The following CACNA2D3 variants were observed in gnomAD, a reference collection of about 807,000 sequenced individuals.
The protein encoded by CACNA2D3 is voltage-dependent calcium channel subunit alpha-2/delta-3.
In CACNA2D3, 60 loss-of-function variants were observed where a neutral mutation model predicts 160.6. The observed-to-expected ratio is 0.37, with a 90% CI of 0.30 to 0.46. The LOEUF (loss-of-function observed/expected upper bound fraction) is 0.46. CACNA2D3 is among the 20% of genes least tolerant of loss of function. The probability of loss-of-function intolerance (pLI) is 1.00; values close to 1 mark genes in which losing one functional copy is unlikely to be tolerated. For synonymous variants in CACNA2D3, 558 were observed against 492.9 expected (o/e 1.13, Z -1.75); for missense variants, 1,205 against 1,365.0 (o/e 0.88, Z 1.85).
At chr3:54,362,734 T>C (rs1186870255) in intron 3 of CACNA2D3, among the ~76,000 whole-genome samples, 2 of 152,144 alleles carry the variant, frequency 1.3e-5, no homozygotes, top group Non-Finnish European at 2.9e-5. Flanking sequence ...ATCAGAAGCA[T>C]TGAGTGGGCA....
At chr3:54,481,486 TG>T (rs1700931179) in intron 4 of CACNA2D3, among the ~76,000 whole-genome samples, 1 of 152,220 alleles carries the variant, frequency 6.6e-6, no homozygotes, top group African/African-American at 2.4e-5. Flanking sequence ...GTGGCTTCTC[TG>T]GCAAAGATCA....
At position 54,756,399 on chromosome 3, in the gene CACNA2D3, A is replaced by G. The variant is rs532790549; in HGVS notation, c.1246+3722A>G. ...TGCGTCAGTTAAGGGGTTTTGGACCATGTAACATCGGTGAGCAAGTATTCT... is the reference window on the plus strand; with the variant it reads ...TGCGTCAGTTAAGGGGTTTTGGACCGTGTAACATCGGTGAGCAAGTATTCT... On this transcript the variant is annotated intron_variant, in intron 12 of 37. Coordinates refer to ENST00000474759, the MANE Select transcript of CACNA2D3 (RefSeq NM_018398.3). 7.2e-5 allele frequency among the ~76,000 whole-genome samples: 11 copies of G among 152,354 alleles called. No individual in the cohort carries two copies. In the South Asian group the frequency reaches 2.1e-3, roughly 29 times the overall value.
chr3:54,835,435 G>C (rs542906289), intron 14 of CACNA2D3, among the ~76,000 whole-genome samples: 45 of 152,214 alleles, frequency 3.0e-4, no homozygotes, highest in African/African-American at 1.0e-3. Flanking sequence ...CTGCTGTTCT[G>C]GGTACTACAT....
chr3:55,063,439 A>G (rs1029750066), intron 35 of CACNA2D3, among the ~76,000 whole-genome samples: 5 of 152,190 alleles, frequency 3.3e-5, no homozygotes, highest in Non-Finnish European at 7.3e-5. Flanking sequence ...TTCCAATATA[A>G]TTTATGTTAG....
intron 2 of CACNA2D3, among the ~76,000 whole-genome samples, chr3:54,316,543 A>G (rs73081624): frequency 0.17 from 25,839 of 152,188 alleles, 2,567 homozygotes; most frequent in Non-Finnish European, 0.23. Flanking sequence ...TGCAAGAAAC[A>G]CCTGTGGGTA....
At chr3:54,618,857 C>G (rs1698921228) in intron 9 of CACNA2D3, among the ~76,000 whole-genome samples, 1 of 152,186 alleles carries the variant, frequency 6.6e-6, no homozygotes, top group Non-Finnish European at 1.5e-5. Context: ...TCAATACGTA[C>G]CTCTTCTGAG....
At chr3:54,956,581 A>G (rs1030521296) in intron 27 of CACNA2D3, among the ~76,000 whole-genome samples, 3 of 152,088 alleles carry the variant, frequency 2.0e-5, no homozygotes, top group South Asian at 2.1e-4. Context: ...TCCCTCTTCA[A>G]CTGGTCTTAG....
intron 11 of CACNA2D3, among the ~76,000 whole-genome samples, chr3:54,681,208 A>G (rs892237338): frequency 3.3e-5 from 5 of 151,742 alleles, no homozygotes; most frequent in East Asian, 1.9e-4. Flanking sequence ...CTATTATACC[A>G]TGTCATCATG....
At chr3:54,752,326 G>C (rs943993543) in intron 11 of CACNA2D3, among the ~76,000 whole-genome samples, 6 of 152,182 alleles carry the variant, frequency 3.9e-5, no homozygotes, top group African/African-American at 1.4e-4. Context: ...GGCCTGTGAG[G>C]CTGCCAGTCT....
intron 11 of CACNA2D3, among the ~76,000 whole-genome samples, chr3:54,729,860 G>A (rs1457133150): frequency 1.3e-5 from 2 of 151,998 alleles, no homozygotes; most frequent in African/African-American, 2.4e-5. Flanking sequence ...TAAGCTGGGC[G>A]TGATGGCAGG....
chr3:54,132,958 C>G (rs1329513492), intron 2 of CACNA2D3, among the ~76,000 whole-genome samples: 1 of 152,096 alleles, frequency 6.6e-6, no homozygotes, highest in African/African-American at 2.4e-5. Context: ...CAATAAGTGA[C>G]TCATGGGAAG....
At chr3:54,843,980 A>T (rs559333498) in intron 16 of CACNA2D3, among the ~76,000 whole-genome samples, 7 of 152,240 alleles carry the variant, frequency 4.6e-5, no homozygotes, top group African/African-American at 1.7e-4. Context: ...CCTGTTGGAT[A>T]CTTGGTTTGC....
chr3:54,749,702 G>A (rs550310048), intron 11 of CACNA2D3, among the ~76,000 whole-genome samples: 6 of 152,310 alleles, frequency 3.9e-5, no homozygotes, highest in Non-Finnish European at 8.8e-5. Context: ...AGCATCCTTT[G>A]ATTATGTTTA....
intron 27 of CACNA2D3, among the ~76,000 whole-genome samples, chr3:54,940,571 T>A (rs950218012): frequency 3.1e-4 from 47 of 152,278 alleles, no homozygotes; most frequent in African/African-American, 1.0e-3. Flanking sequence ...CTTTATATAA[T>A]GCAGCATTTT....
chr3:54,749,118 C>A (rs187284414), intron 11 of CACNA2D3, among the ~76,000 whole-genome samples: 110 of 152,230 alleles, frequency 7.2e-4, no homozygotes, highest in Non-Finnish European at 1.5e-3. Flanking sequence ...TTAAAATGAT[C>A]TTTAATTATT....
At chr3:54,844,555 C>G (rs1290991132) in intron 16 of CACNA2D3, among the ~76,000 whole-genome samples, 1 of 152,082 alleles carries the variant, frequency 6.6e-6, no homozygotes, top group Non-Finnish European at 1.5e-5. Flanking sequence ...TTTTCTCTTT[C>G]TTCTTTCCCT....
rs185145884 is a variant in CACNA2D3 at position 54,230,970 on chromosome 3, A to G, written c.205-89472A>G. 6.6e-5 allele frequency among the ~76,000 whole-genome samples: 10 copies of G among 152,316 alleles called. No homozygotes were observed. In the East Asian group the frequency reaches 1.9e-3, roughly 29 times the overall value. ...CAAAAGATATCCAGCCCTGGTAAAC[A>G]TGATAGATGATGATGGGGACACATG... On this transcript the variant is annotated intron_variant, in intron 2 of 37. Coordinates refer to ENST00000474759, the MANE Select transcript of CACNA2D3 (RefSeq NM_018398.3).
intron 5 of CACNA2D3, among the ~76,000 whole-genome samples, chr3:54,517,453 T>C (rs903929964): frequency 5.3e-5 from 8 of 152,130 alleles, no homozygotes; most frequent in African/African-American, 1.7e-4. Flanking sequence ...GTAAATGACA[T>C]AGCTCCAAGA....
chr3:54,178,421 G>A (rs2107319853), intron 2 of CACNA2D3, among the ~76,000 whole-genome samples: 1 of 152,342 alleles, frequency 6.6e-6, no homozygotes, highest in Admixed American at 6.5e-5. Flanking sequence ...AGGTGGACAG[G>A]AAGAGAGAAG....
Sources: allele counts gnomAD v4.1 joint callset (sites outside exome capture counted in the v4.1 genomes callset), GRCh38; gene constraint gnomAD v4.1.1; transcripts MANE v1.5; gene names NCBI Gene and HGNC (gene_info 2026-07-23, HGNC 2026-07-21).